ILDR2: variants seen among roughly 807,000 people sequenced by gnomAD.
ILDR2 encodes the protein immunoglobulin-like domain-containing receptor 2.
A neutral mutation model predicts 66.8 loss-of-function variants in ILDR2; 25 were observed. That is an observed-to-expected ratio of 0.37 (90% CI 0.27 to 0.52). ILDR2 has a LOEUF of 0.52. ILDR2 is among the 20% of genes least tolerant of loss of function. ILDR2 has a pLI of 0.88. For missense variants in ILDR2, 827 were observed against 876.8 expected (o/e 0.94, Z 0.72); for synonymous variants, 367 against 357.2 (o/e 1.03, Z -0.31).
chr1:166,949,221 C>T (rs1365882358), intron 3 of ILDR2, among the ~76,000 whole-genome samples: 1 of 152,232 alleles, frequency 6.6e-6, no homozygotes, highest in African/African-American at 2.4e-5. Context: ...CACAGCATCC[C>T]ACAAGTTGTG....
At chr1:166,970,316 G>T (rs1376735263) in intron 1 of ILDR2, among the ~76,000 whole-genome samples, 1 of 151,992 alleles carries the variant, frequency 6.6e-6, no homozygotes, top group Non-Finnish European at 1.5e-5. Context: ...ATCATTAATG[G>T]TTTGAGAAAG....
rs1415424578 is a variant in ILDR2, at chr1:166,916,736, T to C, written c.*2619A>G. On this transcript the variant is annotated 3_prime_UTR_variant, in exon 10 of 10. Transcript: ENST00000271417. Reference sequence around the variant, plus strand: ...CTACAAAGGACAACCTGGTCCCAACTCCCAAGGTTAATTCAGTAGCCTGCT... The same window carrying C: ...CTACAAAGGACAACCTGGTCCCAACCCCCAAGGTTAATTCAGTAGCCTGCT... 1 of 152,216 alleles carries C rather than the reference T, an allele frequency of 6.6e-6. No individual in the cohort carries two copies. The allele number at this position is 152,216 out of a possible 1,614,324, so 9.4% of individuals were successfully genotyped here.
At chr1:166,958,875 T>C (rs575530111) in intron 1 of ILDR2, among the ~76,000 whole-genome samples, 11 of 152,300 alleles carry the variant, frequency 7.2e-5, no homozygotes, top group African/African-American at 2.4e-4. Flanking sequence ...TCTAAACTGA[T>C]TGTTATGGCT....
In ILDR2 at chr1:166,920,986, G is replaced by A; in HGVS notation, c.1605C>T (p.Arg535=). ...DHSYLGSARE[R]QARPEGASRG... is the part of the protein sequence containing the mutation. ...GGCTGGCGCCCTCGGGCCGCGCCTG[G>A]CGCTCCCGCGCGCTGCCCAGGTACG... The change falls in exon 9 of 10, where the codon CGC becomes CGT. Residue 535 remains arginine, a synonymous_variant. Coordinates refer to ENST00000271417, the MANE Select transcript of ILDR2 (RefSeq NM_199351.3). 1 of 1,494,790 alleles carries A rather than the reference G, an allele frequency of 6.7e-7. No individual in the cohort carries two copies. The highest frequency in any genetic ancestry group is 2.3e-5 in the Admixed American group (1 of 42,828). 92.6% of individuals were successfully genotyped at this position (1,494,790 alleles called of 1,614,324 possible).
chr1:166,920,523 G>A (rs1351302247), intron 9 of ILDR2, 184 bp downstream of exon 9: 1 of 239,980 alleles, frequency 4.2e-6, no homozygotes, highest in Non-Finnish European at 6.7e-6. Context: ...TGGACAGAGT[G>A]AGGCTGAAAA....
chr1:166,899,320 G>A (rs1272101901), intron 2 of ILDR2, among the ~76,000 whole-genome samples: 1 of 151,350 alleles, frequency 6.6e-6, no homozygotes, highest in Non-Finnish European at 1.5e-5. Context: ...TTGAACCTGG[G>A]AGGCAGAGGT....
chr1:166,923,385 G>A (rs1420656545), intron 7 of ILDR2, among the ~76,000 whole-genome samples: 3 of 152,202 alleles, frequency 2.0e-5, no homozygotes, highest in Non-Finnish European at 4.4e-5. Flanking sequence ...TAGTTGAATA[G>A]TCAAGGGGAA....
At chr1:166,948,757 G>C (rs1199369032) in intron 3 of ILDR2, among the ~76,000 whole-genome samples, 1 of 152,172 alleles carries the variant, frequency 6.6e-6, no homozygotes, top group Non-Finnish European at 1.5e-5. Context: ...AGGAAAATCA[G>C]CTCTTTAGCA....
At position 166,916,079 on chromosome 1, in the gene ILDR2, G is replaced by A. The variant is rs1659632190; in HGVS notation, c.*3276C>T. On this transcript the variant is annotated 3_prime_UTR_variant, in exon 10 of 10. Coordinates refer to ENST00000271417, the MANE Select transcript of ILDR2 (RefSeq NM_199351.3). ...TAGAGAAGCAGCTCATCTACCAGGG[G>A]ACACCTCCCTGCCACCTGCATCCAC... is the stretch of plus-strand genomic sequence containing the variant. The A allele has an allele frequency of 6.6e-6, 1 of 151,898 alleles. No homozygotes were observed. Among genetic ancestry groups the A allele is most frequent in the South Asian group, 2.1e-4 (1 of 4,796 alleles). The allele number at this position is 151,898 out of a possible 1,614,324, so 9.4% of individuals were successfully genotyped here.
At position 166,909,783 on chromosome 1, in the gene ILDR2, ATATAT is replaced by A. The variant is rs1557921406; in HGVS notation, c.*9567_*9571del. The stretch of plus-strand genomic sequence containing the variant: ...TAAATATATATAAATATATATATTT[ATATAT>A]ATATATATATATATATATCCTTCTA... On this transcript the variant is annotated 3_prime_UTR_variant, in exon 10 of 10. Transcript: ENST00000271417. 25 of 79,400 alleles carry A rather than the reference ATATAT, an allele frequency of 3.1e-4. No individual in the cohort carries two copies. In the South Asian group the frequency reaches 7.2e-3, roughly 23 times the overall value. The allele number at this position is 79,400 out of a possible 1,614,324, so 4.9% of individuals were successfully genotyped here.
chr1:166,936,517 C>T lies in ILDR2; in HGVS notation c.703+74G>A, dbSNP rs1253891678. ...GACAGGAGGTGGAGGAGGAACCCAGCGCACACAGCTGTCAGGTAGAGAGGT... is the reference window on the plus strand; with the variant it reads ...GACAGGAGGTGGAGGAGGAACCCAGTGCACACAGCTGTCAGGTAGAGAGGT... On this transcript the variant is annotated intron_variant, in intron 5 of 9. Transcript: ENST00000271417. This position sits in a 1 kb window ranked among gnomAD's most constrained non-coding sequence, Gnocchi z 5.0. 35 of 1,597,352 alleles carry T rather than the reference C, an allele frequency of 2.2e-5. No individual in the cohort carries two copies. The highest frequency in any genetic ancestry group is 4.5e-5 in the East Asian group (2 of 44,522).
rs1038330454 is a variant in ILDR2, at chr1:166,909,204, T to A, written c.*10151A>T. Reference sequence around the variant, plus strand: ...GATTGTTCTCATGAGTAAAGCCTTTTGCCTGCTTGGTCAAATGAGCTGGAA... The same window carrying A: ...GATTGTTCTCATGAGTAAAGCCTTTAGCCTGCTTGGTCAAATGAGCTGGAA... On this transcript the variant is annotated 3_prime_UTR_variant, in exon 10 of 10. Transcript: ENST00000271417. 6.6e-6 allele frequency: 1 copy of A among 152,210 alleles called. No individual in the cohort carries two copies. The highest frequency in any genetic ancestry group is 1.5e-5 in the Non-Finnish European group (1 of 68,048). 9.4% of individuals were successfully genotyped at this position (152,210 alleles called of 1,614,324 possible).
At chr1:166,897,126 G>C (rs1659182014) in intron 2 of ILDR2, among the ~76,000 whole-genome samples, 1 of 152,130 alleles carries the variant, frequency 6.6e-6, no homozygotes, top group African/African-American at 2.4e-5. Context: ...GGATGACTTG[G>C]TGGGAAAATA....
At chr1:166,923,701 G>T (rs1660096431) in intron 7 of ILDR2, among the ~76,000 whole-genome samples, 1 of 152,176 alleles carries the variant, frequency 6.6e-6, no homozygotes, top group Admixed American at 6.5e-5. Flanking sequence ...GGCCTAAGTA[G>T]CTTTTTGCAA....
chr1:166,948,783 A>G (rs1260655379), intron 3 of ILDR2, among the ~76,000 whole-genome samples: 1 of 152,226 alleles, frequency 6.6e-6, no homozygotes, highest in Non-Finnish European at 1.5e-5. Context: ...CTCCAAATGT[A>G]GAATTCCCTA....
At chr1:166,906,534 C>T (rs1482032137), downstream of ILDR2, among the ~76,000 whole-genome samples, 1 of 152,164 alleles carries the variant, frequency 6.6e-6, no homozygotes, top group Non-Finnish European at 1.5e-5. Flanking sequence ...CATATTACAG[C>T]ATAGCAAAGA....
At chr1:166,923,486 C>T (rs1660084077) in intron 7 of ILDR2, among the ~76,000 whole-genome samples, 1 of 152,224 alleles carries the variant, frequency 6.6e-6, no homozygotes, top group Non-Finnish European at 1.5e-5. Context: ...AAGCCTACTT[C>T]CAGCACTTGG....
chr1:166,950,065 A>T (rs1449107772), intron 3 of ILDR2, among the ~76,000 whole-genome samples: 1 of 152,250 alleles, frequency 6.6e-6, no homozygotes, highest in African/African-American at 2.4e-5. Context: ...TATCTGATGC[A>T]TAATTGAGTT....
rs149638067 is a variant in ILDR2 at position 166,925,952 on chromosome 1, T to G, written c.994+1115A>C. Among the ~76,000 whole-genome samples, 850 of 152,354 alleles carry G rather than the reference T, an allele frequency of 5.6e-3. 6 individuals carry two copies. The highest frequency in any genetic ancestry group is 7.5e-3 in the Non-Finnish European group (513 of 68,026). ...GTCTCTGGCCCCTTACAGGGATCCATGACAACATTGTTACAACTAGCTTGT... is the reference window on the plus strand; with the variant it reads ...GTCTCTGGCCCCTTACAGGGATCCAGGACAACATTGTTACAACTAGCTTGT... On this transcript the variant is annotated intron_variant, in intron 7 of 9. Coordinates refer to ENST00000271417, the MANE Select transcript of ILDR2 (RefSeq NM_199351.3).
Sources: allele counts gnomAD v4.1 joint callset (sites outside exome capture counted in the v4.1 genomes callset), GRCh38; gene constraint gnomAD v4.1.1; non-coding constraint Gnocchi (gnomAD v3.1); transcripts MANE v1.5; gene names NCBI Gene and HGNC (gene_info 2026-07-23, HGNC 2026-07-21).